The following SPATS2L variants were observed in gnomAD, a reference collection of about 807,000 sequenced individuals.
SPATS2L encodes the protein SPATS2-like protein.
SPATS2L carries 30 observed loss-of-function variants against 59.6 expected under a neutral mutation model. The observed-to-expected ratio is 0.50, with a 90% CI of 0.38 to 0.68. The LOEUF is 0.68. Ranked by LOEUF, SPATS2L falls within the 30% of genes least tolerant of loss-of-function variation. The pLI is 0.00. For missense variants in SPATS2L, 615 were observed against 700.0 expected (o/e 0.88, Z 1.37); for synonymous variants, 252 against 263.5 (o/e 0.96, Z 0.42).
intron 10 of SPATS2L, among the ~76,000 whole-genome samples, chr2:200,469,523 T>C (rs2086867176): frequency 6.6e-6 from 1 of 151,982 alleles, no homozygotes; most frequent in Admixed American, 6.6e-5. Flanking sequence ...GGAATGGGGG[T>C]CTAGGAAGGA....
chr2:200,420,613 G>C (rs1051258444), intron 6 of SPATS2L, among the ~76,000 whole-genome samples: 1 of 152,210 alleles, frequency 6.6e-6, no homozygotes, highest in African/African-American at 2.4e-5. Flanking sequence ...GGCTGCTGAT[G>C]TGGTTTTCCA....
At position 200,371,548 on chromosome 2, in the gene SPATS2L, G is replaced by A. The variant is rs149786160; in HGVS notation, c.-22-17675G>A. 4.1e-3 allele frequency among the ~76,000 whole-genome samples: 623 copies of A among 152,178 alleles called. 2 individuals carry two copies. Among genetic ancestry groups the A allele is most frequent in the African/African-American group, 0.014 (594 of 41,540 alleles). ...GCTATTTAATGAGGATATTGACTGCGGGATTAACTTACAGCTCAGGAGTAT... is the reference window on the plus strand; with the variant it reads ...GCTATTTAATGAGGATATTGACTGCAGGATTAACTTACAGCTCAGGAGTAT... On this transcript the variant is annotated intron_variant, in intron 2 of 12. Transcript: ENST00000409140.
chr2:200,479,998 G>T lies in SPATS2L; in HGVS notation c.*1967G>T, dbSNP rs566597114. 49 of 367,344 alleles carry T rather than the reference G, an allele frequency of 1.3e-4. No individual in the cohort carries two copies. The highest frequency in any genetic ancestry group is 2.1e-4 in the Non-Finnish European group (44 of 207,164). 22.8% of individuals were successfully genotyped at this position (367,344 alleles called of 1,614,324 possible). A position where few individuals can be genotyped will look rare whatever the true frequency, so the allele number is the denominator to read the frequency against. On this transcript the variant is annotated 3_prime_UTR_variant, in exon 13 of 13. Coordinates refer to ENST00000409140, the MANE Select transcript of SPATS2L (RefSeq NM_001100423.2). ...TGTAGGCCCTGTTTACCCCATCTGA[G>T]GCCCTGAATTCATATATTACAAGAC... is the stretch of plus-strand genomic sequence containing the variant.
chr2:200,307,895 C>T (rs76380435), intron 1 of SPATS2L, among the ~76,000 whole-genome samples: 4,383 of 152,256 alleles, frequency 0.029, 70 homozygotes, highest in Middle Eastern at 0.071. Flanking sequence ...TTTCTTTTGG[C>T]TATATTACAG....
At chr2:200,421,134 T>C (rs1330803281) in intron 6 of SPATS2L, among the ~76,000 whole-genome samples, 1 of 152,196 alleles carries the variant, frequency 6.6e-6, no homozygotes, top group African/African-American at 2.4e-5. Flanking sequence ...GTCTAGGCCC[T>C]GATGGAATCA....
intron 3 of SPATS2L, among the ~76,000 whole-genome samples, chr2:200,401,366 A>G (rs2082522622): frequency 6.6e-6 from 1 of 152,186 alleles, no homozygotes; most frequent in Non-Finnish European, 1.5e-5. Flanking sequence ...AAAATTTTGG[A>G]CACTTGTTAT....
In SPATS2L at chr2:200,306,914, G is replaced by T; in HGVS notation, c.-81G>T. On this transcript the variant is annotated 5_prime_UTR_variant, in exon 1 of 13. Transcript: ENST00000409140. Reference sequence around the variant, plus strand: ...GCCCGGGACGGAGGAGCCGGCGCTCGACACAGAGGTAAGCCCAGGACCCCC... The same window carrying T: ...GCCCGGGACGGAGGAGCCGGCGCTCTACACAGAGGTAAGCCCAGGACCCCC... The T allele has an allele frequency of 2.0e-6, 2 of 981,734 alleles. No individual in the cohort carries two copies. The highest frequency in any genetic ancestry group is 1.2e-6 in the Non-Finnish European group (1 of 828,448). The allele number at this position is 981,734 out of a possible 1,614,324, so 60.8% of individuals were successfully genotyped here.
intron 2 of SPATS2L, among the ~76,000 whole-genome samples, chr2:200,372,510 G>C (rs1231111387): frequency 6.6e-6 from 1 of 152,122 alleles, no homozygotes; most frequent in African/African-American, 2.4e-5. Context: ...TTAACGCACT[G>C]AGAAAATGTT....
chr2:200,473,418 A>C (rs747573739), intron 12 of SPATS2L, among the ~76,000 whole-genome samples: 1 of 152,126 alleles, frequency 6.6e-6, no homozygotes, highest in Non-Finnish European at 1.5e-5. Flanking sequence ...CTGGAACAAG[A>C]CTCGGAACCT....
At chr2:200,448,540 T>C (rs1420396712) in intron 8 of SPATS2L, among the ~76,000 whole-genome samples, 2 of 152,250 alleles carry the variant, frequency 1.3e-5, no homozygotes, top group African/African-American at 4.8e-5. Context: ...GAATTGTGTT[T>C]TTTAATGTTT....
chr2:200,341,708 T>A (rs1190730193), intron 2 of SPATS2L, among the ~76,000 whole-genome samples: 2 of 151,424 alleles, frequency 1.3e-5, no homozygotes, highest in East Asian at 3.9e-4. Context: ...TTTTTTTTTT[T>A]AGACAGAGTT....
At chr2:200,309,233 G>A in intron 1 of SPATS2L, 1 of 690,816 alleles carries the variant, frequency 1.4e-6, no homozygotes, top group Non-Finnish European at 2.7e-6. Flanking sequence ...TGTTGAAAGG[G>A]CATAGGTGGT....
chr2:200,348,308 C>G (rs2080588836), intron 2 of SPATS2L, among the ~76,000 whole-genome samples: 1 of 152,142 alleles, frequency 6.6e-6, no homozygotes, highest in Non-Finnish European at 1.5e-5. Flanking sequence ...TGATTTACTG[C>G]AGATGCATGT....
intron 5 of SPATS2L, 92 bp downstream of exon 5, chr2:200,416,520 C>CTT: frequency 1.6e-6 from 1 of 642,736 alleles, no homozygotes; most frequent in Non-Finnish European, 2.5e-6. Context: ...TTTTTTGCTT[C>CTT]TTTCAAGTAT....
At chr2:200,346,065 T>A (rs1270954507) in intron 2 of SPATS2L, among the ~76,000 whole-genome samples, 1 of 152,226 alleles carries the variant, frequency 6.6e-6, no homozygotes, top group East Asian at 1.9e-4. Context: ...TGAGGCAAGA[T>A]GCCGTATATT....
At chr2:200,459,740 C>T in intron 8 of SPATS2L, 29 bp from the exon 9 acceptor site, 3 of 1,571,208 alleles carry the variant, frequency 1.9e-6, no homozygotes, top group South Asian at 1.1e-5. Context: ...GCATTCTTTG[C>T]TTTTGTTTTT....
At chr2:200,378,818 G>A (rs1016413777) in intron 2 of SPATS2L, among the ~76,000 whole-genome samples, 2 of 152,140 alleles carry the variant, frequency 1.3e-5, no homozygotes, top group African/African-American at 4.8e-5. Context: ...TTAGTTAGGG[G>A]TTCTTTTTGC....
intron 1 of SPATS2L, among the ~76,000 whole-genome samples, chr2:200,324,071 C>T (rs1038825643): frequency 6.6e-6 from 1 of 152,134 alleles, no homozygotes; most frequent in African/African-American, 2.4e-5. Flanking sequence ...TAAATCCCAA[C>T]CCTGGGGCTG....
intron 10 of SPATS2L, 146 bp downstream of exon 10, chr2:200,467,545 AG>A: frequency 1.6e-6 from 1 of 624,350 alleles, no homozygotes; most frequent in Non-Finnish European, 2.9e-6. Context: ...AGAACACAGA[AG>A]GGGGAAGACC....
Sources: gnomAD v4.1 joint callset for allele counts (sites outside exome capture counted in the v4.1 genomes callset) on GRCh38, gnomAD v4.1.1 for gene constraint, MANE v1.5 for transcripts, NCBI Gene and HGNC (gene_info 2026-07-23, HGNC 2026-07-21) for gene names.